ATP5PO: variants seen among roughly 807,000 people sequenced by gnomAD.
ATP5PO encodes ATP synthase peripheral stalk subunit OSCP, mitochondrial.
A neutral mutation model predicts 26.2 loss-of-function variants in ATP5PO; 14 were observed. That is an observed-to-expected ratio of 0.53 (90% CI 0.35 to 0.83). ATP5PO has a LOEUF of 0.83. Ranked by LOEUF, ATP5PO falls within the 40% of genes least tolerant of loss-of-function variation. ATP5PO has a pLI of 0.01. For missense variants in ATP5PO, 241 were observed against 258.5 expected (o/e 0.93, Z 0.46); for synonymous variants, 106 against 95.1 (o/e 1.12, Z -0.67).
intron 5 of ATP5PO, among the ~76,000 whole-genome samples, chr21:33,905,899 G>A (rs1390985044): frequency 7.0e-5 from 8 of 113,926 alleles, no homozygotes. Flanking sequence ...GTGACAGAGT[G>A]AGACTCAGTC....
At chr21:33,907,695 G>A (rs1987191628) in intron 4 of ATP5PO, among the ~76,000 whole-genome samples, 2 of 152,202 alleles carry the variant, frequency 1.3e-5, no homozygotes, top group Non-Finnish European at 2.9e-5. Flanking sequence ...GCTTGGTGGT[G>A]CATGTCTATA....
At chr21:33,914,560 A>T in intron 1 of ATP5PO, 60 bp from the exon 2 acceptor site, 1 of 1,507,464 alleles carries the variant, frequency 6.6e-7, no homozygotes, top group Non-Finnish European at 9.1e-7. Context: ...TCTGCATTTA[A>T]CTCAATAACA....
rs374587852 is a variant in ATP5PO, at chr21:33,914,453, C to T, written c.84G>A (p.Val28=). Residue 28 remains valine (V), a synonymous_variant, in exon 2 of 7, where the codon GTG becomes GTA. Transcript: ENST00000290299. Reference sequence around the variant, plus strand: ...AGAAGAATATAAATTAACATACCCTCACAAGCTTGGCAAATGGTCTGACCA... The same window carrying T: ...AGAAGAATATAAATTAACATACCCTTACAAGCTTGGCAAATGGTCTGACCA... ...TSVVRPFAKL[V]RPPVQVYGIE... is the part of the protein sequence containing the mutation. The T allele has an allele frequency of 3.6e-5, 58 of 1,612,770 alleles. No homozygotes were observed. Among genetic ancestry groups the T allele is most frequent in the Non-Finnish European group, 4.7e-5 (55 of 1,179,284 alleles).
Position 33,915,768 on chromosome 21 carries a change from T to C in ATP5PO, c.-5A>G. Reference sequence around the variant, plus strand: ...GGACACTGCTGGGGCAGCCATCTTCTCCCGGGCGGCTGTAGGTCAAACCCG... The same window carrying C: ...GGACACTGCTGGGGCAGCCATCTTCCCCCGGGCGGCTGTAGGTCAAACCCG... On this transcript the variant is annotated 5_prime_UTR_variant, in exon 1 of 7. Transcript: ENST00000290299. 1 of 1,570,002 alleles carries C rather than the reference T, an allele frequency of 6.4e-7. No homozygotes were observed. Among genetic ancestry groups the C allele is most frequent in the Non-Finnish European group, 8.6e-7 (1 of 1,158,240 alleles).
chr21:33,908,141 T>G (rs1320132648), intron 4 of ATP5PO, among the ~76,000 whole-genome samples: 1 of 142,732 alleles, frequency 7.0e-6, no homozygotes, highest in Non-Finnish European at 1.5e-5. Flanking sequence ...GCACTCCAGC[T>G]TGGGTGACAG....
At chr21:33,911,671 T>C (rs867135888) in intron 3 of ATP5PO, among the ~76,000 whole-genome samples, 2,690 of 144,262 alleles carry the variant, frequency 0.019, 82 homozygotes, top group African/African-American at 0.066. Flanking sequence ...GGTTTTTTTT[T>C]TTTTTTTTTT....
In ATP5PO at chr21:33,909,145, C is replaced by A. The variant is rs144010684; in HGVS notation, c.265G>T (p.Val89Leu). 6.2e-7 allele frequency: 1 copy of A among 1,613,752 alleles called. No homozygotes were observed. The highest frequency in any genetic ancestry group is 8.5e-7 in the Non-Finnish European group (1 of 1,179,614). The change falls in exon 4 of 7, where the codon GTG becomes TTG. Residue 89 changes from valine (V) to leucine (L), a missense_variant. Physicochemically the swap from Val to Leu is conservative, Grantham distance 32 (BLOSUM62 1). Coordinates refer to ENST00000290299, the MANE Select transcript of ATP5PO (RefSeq NM_001697.3). ...GCTGTGATGTCATTTAGGCTTTTCA[C>A]TTTAATGGAACGCTTCACATAGGGA... ...LNPYVKRSIK[V>L]KSLNDITAKE...
In ATP5PO at chr21:33,915,737, G is replaced by GAGCCCGGACACTGCTGGGGC; in HGVS notation, c.7_26dup (p.Ser10ProfsTer26). On this transcript the variant is annotated frameshift_variant, in exon 1 of 7. Transcript: ENST00000290299. LOFTEE classifies it high-confidence loss of function. ...ACCACCTTTCTCTCACCTGCCGGGA[G>GAGCCCGGACACTGCTGGGGC]AGCCCGGACACTGCTGGGGCAGCCA... 6.3e-7 allele frequency: 1 copy of GAGCCCGGACACTGCTGGGGC among 1,576,554 alleles called. No individual in the cohort carries two copies. The highest frequency in any genetic ancestry group is 8.6e-7 in the Non-Finnish European group (1 of 1,161,022).
intron 1 of ATP5PO, 184 bp downstream of exon 1, chr21:33,915,544 C>T: frequency 1.1e-6 from 1 of 882,194 alleles, no homozygotes; most frequent in Non-Finnish European, 1.7e-6. Context: ...GCGCCTACTG[C>T]CCCGTAGGCA....
In ATP5PO at chr21:33,909,142, T is replaced by C. The variant is rs752114378; in HGVS notation, c.268A>G (p.Lys90Glu). ...NPYVKRSIKV[K>E]SLNDITAKER... The stretch of plus-strand genomic sequence containing the variant: ...TTTGCTGTGATGTCATTTAGGCTTT[T>C]CACTTTAATGGAACGCTTCACATAG... The change falls in exon 4 of 7, where the codon AAA (lysine) becomes GAA (glutamate). Residue 90 changes from lysine (K) to glutamate (E), a missense_variant. Lys to Glu is a moderately conservative substitution (Grantham distance 56). Transcript: ENST00000290299. 3.7e-6 allele frequency: 6 copies of C among 1,613,642 alleles called. No individual in the cohort carries two copies. The Middle Eastern group carries it at 6.6e-4, about 178-fold the overall frequency.
intron 2 of ATP5PO, among the ~76,000 whole-genome samples, chr21:33,913,757 C>G (rs1213470177): frequency 6.6e-6 from 1 of 152,006 alleles, no homozygotes; most frequent in Non-Finnish European, 1.5e-5. Flanking sequence ...ACATGGAGAA[C>G]TGCATTAGAA....
chr21:33,906,513 G>A (rs548728741), intron 5 of ATP5PO: 2 of 347,322 alleles, frequency 5.8e-6, no homozygotes, highest in African/African-American at 2.2e-5. Context: ...GTAAAATGAG[G>A]TTAATTATAC....
chr21:33,915,725 C>G lies in ATP5PO; in HGVS notation c.36+3G>C. The G allele has an allele frequency of 6.4e-7, 1 of 1,572,996 alleles. No individual in the cohort carries two copies. The highest frequency in any genetic ancestry group is 8.6e-7 in the Non-Finnish European group (1 of 1,159,104). ...CTGGCTCTCAGGACCACCTTTCTCT[C>G]ACCTGCCGGGAGAGCCCGGACACTG... is the stretch of plus-strand genomic sequence containing the variant. On this transcript the variant is annotated splice_donor_region_variant and intron_variant, in intron 1 of 6. Coordinates refer to ENST00000290299, the MANE Select transcript of ATP5PO (RefSeq NM_001697.3).
At chr21:33,908,890 C>G in intron 4 of ATP5PO, 192 bp downstream of exon 4, 1 of 565,804 alleles carries the variant, frequency 1.8e-6, no homozygotes, top group Non-Finnish European at 2.9e-6. Context: ...ATGCTCCTCA[C>G]ACTTCAATGT....
At chr21:33,909,584 G>A (rs928500180) in intron 3 of ATP5PO, among the ~76,000 whole-genome samples, 13 of 151,974 alleles carry the variant, frequency 8.6e-5, no homozygotes, top group African/African-American at 2.9e-4. Context: ...ACTTTCTTAT[G>A]AATTAAATAT....
At chr21:33,909,288 T>C (rs1987217393) in intron 3 of ATP5PO, 77 bp from the exon 4 acceptor site, 10 of 1,498,706 alleles carry the variant, frequency 6.7e-6, no homozygotes, top group Non-Finnish European at 5.4e-6. Flanking sequence ...ACTTTCTTTC[T>C]TTCTTTTTTG....
At position 33,903,813 on chromosome 21, in the gene ATP5PO, C is replaced by T. The variant is rs550244490; in HGVS notation, c.528+122G>A. 99 of 1,133,330 alleles carry T rather than the reference C, an allele frequency of 8.7e-5. No individual in the cohort carries two copies. The East Asian group carries it at 1.8e-3, about 21-fold the overall frequency. 70.2% of individuals were successfully genotyped at this position (1,133,330 alleles called of 1,614,324 possible). On this transcript the variant is annotated intron_variant, in intron 6 of 6. Transcript: ENST00000290299. ...TAATCATTTAAATTTAAAATAAATA[C>T]AAAATTTTAACTACAGAAAAATTAG...
rs185420663 is a variant in ATP5PO at position 33,914,099 on chromosome 21, G to A, written c.87+351C>T. 1.7e-4 allele frequency among the ~76,000 whole-genome samples: 26 copies of A among 151,702 alleles called. No homozygotes were observed. The East Asian group carries it at 3.1e-3, about 18-fold the overall frequency. On this transcript the variant is annotated intron_variant, in intron 2 of 6. Transcript: ENST00000290299. Reference sequence around the variant, plus strand: ...AGCCCGGTACCTTGATTTTAATATCGTCTCCTGTAATAACTTCCTGTGATA... The same window carrying A: ...AGCCCGGTACCTTGATTTTAATATCATCTCCTGTAATAACTTCCTGTGATA...
At chr21:33,904,475 T>C (rs1987142991) in intron 5 of ATP5PO, among the ~76,000 whole-genome samples, 1 of 152,174 alleles carries the variant, frequency 6.6e-6, no homozygotes, top group African/African-American at 2.4e-5. Context: ...GTTTTACATC[T>C]TCATGTTTGC....
Sources: allele counts gnomAD v4.1 joint callset (sites outside exome capture counted in the v4.1 genomes callset), GRCh38; gene constraint gnomAD v4.1.1; transcripts MANE v1.5; gene names NCBI Gene and HGNC (gene_info 2026-07-23, HGNC 2026-07-21).